The following KIR3DL3 variants were observed in gnomAD, a reference collection of about 807,000 sequenced individuals.
The protein encoded by KIR3DL3 is killer cell immunoglobulin-like receptor 3DL3.
In KIR3DL3, 27 loss-of-function variants were observed where a neutral mutation model predicts 34.9. The ratio of observed to expected loss-of-function variants is 0.77; its 90% CI spans 0.57 to 1.07. The LOEUF (loss-of-function observed/expected upper bound fraction) is 1.07. KIR3DL3 is among the 50% of genes least tolerant of loss of function. The pLI is 0.00. For synonymous variants in KIR3DL3, 217 were observed against 200.2 expected (o/e 1.08, Z -0.71); for missense variants, 681 against 528.5 (o/e 1.29, Z -2.83).
intron 3 of KIR3DL3, 146 bp downstream of exon 3, chr19:54,726,483 G>C: frequency 9.1e-7 from 1 of 1,099,576 alleles, no homozygotes; most frequent in Non-Finnish European, 1.3e-6. Context: ...TAGTTGCTGT[G>C]GTGGGAAGAA....
chr19:54,735,780 G>A, intron 6 of KIR3DL3, 40 bp from the exon 7 acceptor site: 1 of 1,606,148 alleles, frequency 6.2e-7, no homozygotes, highest in Middle Eastern at 1.8e-4. Context: ...GGACCCAGAA[G>A]TGCCCTCCGA....
In KIR3DL3 at chr19:54,733,522, C is replaced by CA. The variant is rs1008063788; in HGVS notation, c.950-1725dup. On this transcript the variant is annotated intron_variant, in intron 5 of 7. Transcript: ENST00000291860. The stretch of plus-strand genomic sequence containing the variant: ...AGCCTGACACAGGGGGACTCTGTCT[C>CA]AAAAAATAAAAATAAAACATACATA... Among the ~76,000 whole-genome samples the CA allele has an allele frequency of 4.0e-3, 602 of 150,308 alleles. 13 individuals are homozygous for CA. Among genetic ancestry groups the CA allele is most frequent in the East Asian group, 0.015 (77 of 4,984 alleles).
intron 5 of KIR3DL3, among the ~76,000 whole-genome samples, chr19:54,733,572 G>C (rs1219982925): frequency 6.6e-6 from 1 of 151,924 alleles, no homozygotes; most frequent in East Asian, 1.9e-4. Context: ...AAATTACAAA[G>C]GCAACTGGAT....
At chr19:54,730,564 A>T (rs1600198647) in intron 5 of KIR3DL3, among the ~76,000 whole-genome samples, 3 of 151,202 alleles carry the variant, frequency 2.0e-5, no homozygotes, top group Admixed American at 1.3e-4. Context: ...ACAGAGAGAG[A>T]CACTCTCTCA....
chr19:54,729,521 C>T lies in KIR3DL3; in HGVS notation c.684C>T (p.Ala228=). Residue 228 remains alanine, a synonymous_variant, in exon 5 of 8, where the codon GCC becomes GCT. Coordinates refer to ENST00000291860, the MANE Select transcript of KIR3DL3 (RefSeq NM_153443.5). Reference sequence around the variant, plus strand: ...TATATGGGAAACCTTCTCTCTCAGCCCAGCCGGGCCCCACGGTTCAGGCAG... The same window carrying T: ...TATATGGGAAACCTTCTCTCTCAGCTCAGCCGGGCCCCACGGTTCAGGCAG... The part of the protein sequence containing the change: ...VGLYGKPSLS[A]QPGPTVQAGE... 6.2e-7 allele frequency: 1 copy of T among 1,606,496 alleles called. No individual in the cohort carries two copies. The highest frequency in any genetic ancestry group is 8.5e-7 in the Non-Finnish European group (1 of 1,178,396).
intron 4 of KIR3DL3, among the ~76,000 whole-genome samples, chr19:54,728,589 C>T (rs2068453414): frequency 1.3e-5 from 2 of 151,820 alleles, no homozygotes; most frequent in Non-Finnish European, 1.5e-5. Context: ...AAGACATGAA[C>T]ACACACACAG....
intron 3 of KIR3DL3, 94 bp downstream of exon 3, chr19:54,726,431 C>G: frequency 1.3e-6 from 2 of 1,488,650 alleles, no homozygotes; most frequent in South Asian, 2.6e-5. Context: ...TCATCCAGGC[C>G]CCGACTGTAT....
At position 54,735,873 on chromosome 19, in the gene KIR3DL3, G is replaced by T; in HGVS notation, c.1107+1G>T. The T allele has an allele frequency of 2.5e-6, 4 of 1,606,692 alleles. No individual in the cohort carries two copies. The highest frequency in any genetic ancestry group is 3.4e-6 in the Non-Finnish European group (4 of 1,177,894). ...AGGGAACAGAACAGTGAACAGGGAGGTAGGTGCTCCTCCGCCCAGCCTCGT... is the reference window on the plus strand; with the variant it reads ...AGGGAACAGAACAGTGAACAGGGAGTTAGGTGCTCCTCCGCCCAGCCTCGT... On this transcript the variant is annotated splice_donor_variant, in intron 7 of 7. Coordinates refer to ENST00000291860, the MANE Select transcript of KIR3DL3 (RefSeq NM_153443.5). LOFTEE classifies it high-confidence loss of function.
chr19:54,736,240 C>T lies in KIR3DL3; in HGVS notation c.*144C>T. 4.9e-6 allele frequency: 5 copies of T among 1,018,648 alleles called. No homozygotes were observed. The highest frequency in any genetic ancestry group is 5.9e-6 in the Non-Finnish European group (4 of 673,104). The allele number at this position is 1,018,648 out of a possible 1,614,324, so 63.1% of individuals were successfully genotyped here. A position where few individuals can be genotyped will look rare whatever the true frequency, so the allele number is the denominator to read the frequency against. On this transcript the variant is annotated 3_prime_UTR_variant, in exon 8 of 8. Transcript: ENST00000291860. Reference sequence around the variant, plus strand: ...CAGCTCCCATGTACCAGCAGCTGGACTCTGAAGGCGTGAGTCTGCATCTTA... The same window carrying T: ...CAGCTCCCATGTACCAGCAGCTGGATTCTGAAGGCGTGAGTCTGCATCTTA...
intron 5 of KIR3DL3, among the ~76,000 whole-genome samples, chr19:54,733,041 G>A (rs113622785): frequency 0.021 from 3,205 of 152,290 alleles, 120 homozygotes; most frequent in African/African-American, 0.073. Context: ...CTAAATGAAT[G>A]AAAGATGGAT....
chr19:54,736,065 C>G lies in KIR3DL3; in HGVS notation c.1202C>G (p.Pro401Arg). 1 of 1,613,664 alleles carries G rather than the reference C, an allele frequency of 6.2e-7. No homozygotes were observed. The highest frequency in any genetic ancestry group is 1.1e-5 in the South Asian group (1 of 91,030). The change falls in exon 8 of 8, where the codon CCC (proline) becomes CGC (arginine). Residue 401 changes from proline (P) to arginine (R), a missense_variant. Pro to Arg is a moderately radical substitution (Grantham distance 103). Transcript: ENST00000291860. ...AAAATCACTCGCCCTTCTCAGAGGC[C>G]CAAGACACCCCCAACAGATACCAGC... ...QRKITRPSQR[P>R]KTPPTDTSV
At chr19:54,726,912 T>C (rs2068244812) in intron 3 of KIR3DL3, among the ~76,000 whole-genome samples, 2 of 120,770 alleles carry the variant, frequency 1.7e-5, no homozygotes, top group Middle Eastern at 3.6e-3. Context: ...GTGGAAGAGG[T>C]CATTGTATTC....
At chr19:54,725,775 C>T (rs1252043674) in intron 2 of KIR3DL3, among the ~76,000 whole-genome samples, 2 of 152,110 alleles carry the variant, frequency 1.3e-5, no homozygotes, top group Non-Finnish European at 2.9e-5. Flanking sequence ...GCTGATCATG[C>T]CCTCCATCCT....
chr19:54,724,868 G>C (rs2067974257), intron 1 of KIR3DL3, among the ~76,000 whole-genome samples: 1 of 149,222 alleles, frequency 6.7e-6, no homozygotes, highest in African/African-American at 2.5e-5. Flanking sequence ...TGGAGATATG[G>C]GCCTGGAGGT....
At chr19:54,725,186 T>A (rs1223869749) in intron 1 of KIR3DL3, 61 bp from the exon 2 acceptor site, 1 of 1,081,136 alleles carries the variant, frequency 9.2e-7, no homozygotes, top group Non-Finnish European at 1.3e-6. Context: ...GGGCCTGGAG[T>A]GGAGATATGG....
In KIR3DL3 at chr19:54,736,083, A is replaced by G. The variant is rs2069563953; in HGVS notation, c.1220A>G (p.Asp407Gly). ...CAGAGGCCCAAGACACCCCCAACAG[A>G]TACCAGCGTGTAACACGGAACTTCC... ...PSQRPKTPPT[D>G]TSV Residue 407 changes from aspartate to glycine, a missense_variant, in exon 8 of 8, where the codon GAT (aspartate) becomes GGT (glycine). Physicochemically the swap from Asp to Gly is moderately conservative, Grantham distance 94. Coordinates refer to ENST00000291860, the MANE Select transcript of KIR3DL3 (RefSeq NM_153443.5). 1.9e-6 allele frequency: 3 copies of G among 1,613,424 alleles called. No individual in the cohort carries two copies. In the East Asian group the frequency reaches 6.7e-5, roughly 36 times the overall value.
chr19:54,726,795 G>A (rs1251191131), intron 3 of KIR3DL3, among the ~76,000 whole-genome samples: 1 of 129,554 alleles, frequency 7.7e-6, no homozygotes, highest in African/African-American at 2.8e-5. Flanking sequence ...AAGGGCTGGA[G>A]AAGTCAAGGG....
In KIR3DL3 at chr19:54,726,177, G is replaced by A; in HGVS notation, c.195G>A (p.Gly65=). ...FNEFSLSKED[G]MPVPELYNRI... is the part of the protein sequence containing the mutation. ...AATTCAGTCTGTCCAAAGAAGACGGGATGCCTGTCCCTGAGCTCTACAACA... is the reference window on the plus strand; with the variant it reads ...AATTCAGTCTGTCCAAAGAAGACGGAATGCCTGTCCCTGAGCTCTACAACA... The change falls in exon 3 of 8, where the codon GGG becomes GGA. Residue 65 remains glycine (G), a synonymous_variant. Coordinates refer to ENST00000291860, the MANE Select transcript of KIR3DL3 (RefSeq NM_153443.5). 1.2e-6 allele frequency: 2 copies of A among 1,613,528 alleles called. No homozygotes were observed. Among genetic ancestry groups the A allele is most frequent in the South Asian group, 1.1e-5 (1 of 91,036 alleles).
chr19:54,726,198 C>T lies in KIR3DL3; in HGVS notation c.216C>T (p.Tyr72=), dbSNP rs1282964328. ...KEDGMPVPEL[Y]NRIFRNSFLM... ...ACGGGATGCCTGTCCCTGAGCTCTA[C>T]AACAGAATATTCCGGAACAGCTTTC... is the stretch of plus-strand genomic sequence containing the variant. The change falls in exon 3 of 8, where the codon TAC becomes TAT. Residue 72 remains tyrosine (Y), a synonymous_variant. Transcript: ENST00000291860. The T allele has an allele frequency of 1.6e-4, 258 of 1,613,752 alleles. 2 individuals are homozygous for T. Among genetic ancestry groups the T allele is most frequent in the South Asian group, 1.6e-3 (142 of 91,054 alleles).
Sources: allele counts gnomAD v4.1 joint callset (sites outside exome capture counted in the v4.1 genomes callset), GRCh38; gene constraint gnomAD v4.1.1; transcripts MANE v1.5; gene names NCBI Gene and HGNC (gene_info 2026-07-23, HGNC 2026-07-21).